Variants in UBE2K observed in about 807,000 individuals in gnomAD.
UBE2K encodes ubiquitin-conjugating enzyme E2 K.
A neutral mutation model predicts 30.0 loss-of-function variants in UBE2K; 6 were observed. The observed-to-expected ratio is 0.20, with a 90% CI of 0.11 to 0.39. The LOEUF is 0.39. UBE2K is among the 10% of genes least tolerant of loss of function. The pLI, the probability that UBE2K is intolerant of heterozygous loss-of-function variation, is 1.00. For synonymous variants in UBE2K, 86 were observed against 83.7 expected (o/e 1.03, Z -0.15); for missense variants, 61 against 241.6 (o/e 0.25, Z 4.96).
intron 2 of UBE2K, among the ~76,000 whole-genome samples, chr4:39,739,442 ATTTTT>A (rs35957337): frequency 8.5e-5 from 9 of 105,782 alleles, no homozygotes; most frequent in Non-Finnish European, 1.7e-4. Flanking sequence ...CTGTTTATTC[ATTTTT>A]TTTTTTTTTT....
chr4:39,774,757 A>T, intron 4 of UBE2K, 77 bp from the exon 5 acceptor site: 1 of 815,108 alleles, frequency 1.2e-6, no homozygotes, highest in East Asian at 3.1e-5. Flanking sequence ...ACAATTTTTT[A>T]ATTTTTATTA....
At chr4:39,760,431 C>T (rs1202226449) in intron 4 of UBE2K, among the ~76,000 whole-genome samples, 1 of 152,072 alleles carries the variant, frequency 6.6e-6, no homozygotes, top group Non-Finnish European at 1.5e-5. Context: ...AAAATTGATA[C>T]ATTGTGATCA....
chr4:39,713,724 C>G (rs757625967), intron 1 of UBE2K: 6 of 151,990 alleles, frequency 3.9e-5, no homozygotes, highest in African/African-American at 1.5e-4. Flanking sequence ...ATCCCCCTAC[C>G]ACCCAGCTTC....
At chr4:39,728,737 C>G (rs187489262) in intron 1 of UBE2K, among the ~76,000 whole-genome samples, 21 of 151,972 alleles carry the variant, frequency 1.4e-4, no homozygotes, top group Admixed American at 7.2e-4. Flanking sequence ...CTCCTGGGTT[C>G]ACGCCATTCT....
At chr4:39,724,426 C>G (rs963328982) in intron 1 of UBE2K, among the ~76,000 whole-genome samples, 11 of 151,592 alleles carry the variant, frequency 7.3e-5, no homozygotes, top group African/African-American at 2.7e-4. Flanking sequence ...TTTTTGTCTT[C>G]TAGTACACCT....
chr4:39,771,309 C>T (rs1436531855), intron 4 of UBE2K: 2 of 1,612,104 alleles, frequency 1.2e-6, no homozygotes, highest in East Asian at 4.5e-5. Context: ...GGCCTCGAAA[C>T]TTGAGGCTGT....
chr4:39,757,496 C>G (rs1424089340), intron 4 of UBE2K, among the ~76,000 whole-genome samples: 1 of 151,686 alleles, frequency 6.6e-6, no homozygotes, highest in East Asian at 1.9e-4. Flanking sequence ...AGTAGTATAT[C>G]TGAGTAAATC....
In UBE2K at chr4:39,712,229, T is replaced by A. The variant is rs189306795; in HGVS notation, c.63+13839T>A. On this transcript the variant is annotated intron_variant, in intron 1 of 6. Transcript: ENST00000261427. ...TTTTTTTTTTTTTTTTGAGACCGAG[T>A]CTCGCTCTGTCACCCAGGCTGGAGT... is the stretch of plus-strand genomic sequence containing the variant. Among the ~76,000 whole-genome samples, 917 of 113,450 alleles carry A rather than the reference T, an allele frequency of 8.1e-3. 7 individuals carry two copies. Among genetic ancestry groups the A allele is most frequent in the Middle Eastern group, 0.013 (2 of 156 alleles). The allele number at this position is 113,450 out of a possible 152,430, so 74.4% of individuals were successfully genotyped here. A position where few individuals can be genotyped will look rare whatever the true frequency, so the allele number is the denominator to read the frequency against.
At chr4:39,740,075 A>G (rs1459468873) in intron 2 of UBE2K, among the ~76,000 whole-genome samples, 4 of 152,104 alleles carry the variant, frequency 2.6e-5, no homozygotes, top group Non-Finnish European at 5.9e-5. Context: ...GGAGACCTTT[A>G]GTTATCTTTA....
intron 3 of UBE2K, among the ~76,000 whole-genome samples, chr4:39,752,892 T>C (rs1000123194): frequency 4.0e-5 from 6 of 151,864 alleles, no homozygotes; most frequent in Admixed American, 3.9e-4. Flanking sequence ...GGCCCACTCA[T>C]GCCTGTAATC....
intron 4 of UBE2K, among the ~76,000 whole-genome samples, chr4:39,773,666 A>G (rs1713077218): frequency 6.6e-6 from 1 of 152,024 alleles, no homozygotes; most frequent in African/African-American, 2.4e-5. Flanking sequence ...TCACGCCTGT[A>G]ATCCCAGCAC....
intron 1 of UBE2K, among the ~76,000 whole-genome samples, chr4:39,702,050 C>T (rs1161206256): frequency 6.6e-6 from 1 of 151,790 alleles, no homozygotes; most frequent in Non-Finnish European, 1.5e-5. Context: ...CATGAGCCAC[C>T]ACACCCAGCC....
At position 39,757,011 on chromosome 4, in the gene UBE2K, G is replaced by GTTTTTTTTTTTTTTTT. The variant is rs1354761879; in HGVS notation, c.299+1278_299+1279insTTTTTTTTTTTTTTTT. On this transcript the variant is annotated intron_variant, in intron 4 of 6. Transcript: ENST00000261427. Reference sequence around the variant, plus strand: ...ATGTTTTTTTGGGTGTTTTTTTTTTGTTTTTTGTTTTTTGTTTTTTGTTTT... The same window carrying GTTTTTTTTTTTTTTTT: ...ATGTTTTTTTGGGTGTTTTTTTTTTGTTTTTTTTTTTTTTTTTTTTTTGTTTTTTGTTTTTTGTTTT... Among the ~76,000 whole-genome samples the GTTTTTTTTTTTTTTTT allele has an allele frequency of 1.6e-3, 121 of 76,796 alleles. 15 individuals are homozygous for GTTTTTTTTTTTTTTTT. Among genetic ancestry groups the GTTTTTTTTTTTTTTTT allele is most frequent in the East Asian group, 4.0e-3 (8 of 2,010 alleles). The allele number at this position is 76,796 out of a possible 152,430, so 50.4% of individuals were successfully genotyped here.
intron 1 of UBE2K, among the ~76,000 whole-genome samples, chr4:39,708,085 C>T (rs148916925): frequency 3.3e-5 from 5 of 151,746 alleles, no homozygotes; most frequent in African/African-American, 7.2e-5. Context: ...TAGTAGAGAC[C>T]GGGTTTCTCC....
At chr4:39,721,601 C>T (rs4974946) in intron 1 of UBE2K, among the ~76,000 whole-genome samples, 76,947 of 151,956 alleles carry the variant, frequency 0.51, 20,298 homozygotes, top group East Asian at 0.64. Context: ...AAGCAATCTA[C>T]CTGCCTCGGC....
intron 3 of UBE2K, among the ~76,000 whole-genome samples, chr4:39,747,767 C>T (rs1452771788): frequency 2.6e-5 from 4 of 151,328 alleles, no homozygotes; most frequent in Admixed American, 2.6e-4. Flanking sequence ...CAGGCGTCTG[C>T]TACCTCGCCC....
chr4:39,752,311 A>ATTTTTTTT (rs751312791), intron 3 of UBE2K, among the ~76,000 whole-genome samples: 1 of 118,544 alleles, frequency 8.4e-6, no homozygotes, highest in Non-Finnish European at 1.7e-5. Context: ...CGCCTGGCTA[A>ATTTTTTTT]TTTTTTTTTT....
intron 1 of UBE2K, among the ~76,000 whole-genome samples, chr4:39,716,264 G>GTGTCTGTCTGTCTGTCTGTC (rs138078900): frequency 6.6e-6 from 1 of 151,928 alleles, no homozygotes; most frequent in African/African-American, 2.4e-5. Flanking sequence ...TTGAAACATG[G>GTGTCTGTCTGTCTGTCTGTC]TGTCTGTCTG....
intron 3 of UBE2K, among the ~76,000 whole-genome samples, chr4:39,752,627 C>T (rs1353034300): frequency 2.0e-5 from 3 of 152,222 alleles, no homozygotes; most frequent in Non-Finnish European, 2.9e-5. Context: ...TGAGCCACTG[C>T]GCCCAGCCAC....
Sources: gnomAD v4.1 joint callset for allele counts (sites outside exome capture counted in the v4.1 genomes callset) on GRCh38, gnomAD v4.1.1 for gene constraint, MANE v1.5 for transcripts, NCBI Gene and HGNC (gene_info 2026-07-23, HGNC 2026-07-21) for gene names.